Variants in RDX observed in about 807,000 individuals in gnomAD.
RDX encodes radixin, also known as deafness, autosomal recessive 24.
Under a neutral mutation model 83.7 loss-of-function variants are expected in RDX, and 32 were observed. The ratio of observed to expected loss-of-function variants is 0.38; its 90% confidence interval spans 0.29 to 0.51. The LOEUF (loss-of-function observed/expected upper bound fraction) is 0.51. RDX is among the 20% of genes least tolerant of loss of function. The pLI, the probability that RDX is intolerant of heterozygous loss-of-function variation, is 0.87. For missense variants in RDX, 600 were observed against 689.9 expected (o/e 0.87, Z 1.46); for synonymous variants, 229 against 222.7 (o/e 1.03, Z -0.25).
intron 14 of RDX, among the ~76,000 whole-genome samples, chr11:110,205,105 A>C (rs576060840): frequency 1.3e-5 from 2 of 152,342 alleles, no homozygotes; most frequent in African/African-American, 4.8e-5. Flanking sequence ...ACAGAGGAAG[A>C]AATATGAAAG....
At chr11:110,221,143 T>C (rs1309729455) in intron 14 of RDX, among the ~76,000 whole-genome samples, 1 of 152,140 alleles carries the variant, frequency 6.6e-6, no homozygotes, top group Non-Finnish European at 1.5e-5. Flanking sequence ...ATGAAGAACG[T>C]AATGTGACTC....
chr11:110,237,501 C>G lies in RDX; in HGVS notation c.1242G>C (p.Gln414His), dbSNP rs1864905358. 2 of 1,612,440 alleles carry G rather than the reference C, an allele frequency of 1.2e-6. No homozygotes were observed. The highest frequency in any genetic ancestry group is 2.2e-5 in the South Asian group (2 of 91,020). The part of the protein sequence containing the change: ...AKQAADQMKN[Q>H]EQLAAELAEF... The stretch of plus-strand genomic sequence containing the variant: ...GAAGACAGTTCCTTACTAGCTGCTC[C>G]TGATTCTTCATCTGGTCGGCAGCTT... Residue 414 changes from glutamine to histidine, a missense_variant, in exon 11 of 14, where the codon CAG (glutamine) becomes CAC (histidine). Physicochemically the swap from Gln to His is conservative, Grantham distance 24 (BLOSUM62 0). Coordinates refer to ENST00000645495, the MANE Select transcript of RDX (RefSeq NM_002906.4).
chr11:110,242,705 T>C (rs1002310712), intron 10 of RDX, among the ~76,000 whole-genome samples: 1 of 152,158 alleles, frequency 6.6e-6, no homozygotes, highest in Non-Finnish European at 1.5e-5. Context: ...ATGTTTAAAA[T>C]GAATTCTGAA....
chr11:110,245,454 A>T (rs1859068940), intron 10 of RDX, among the ~76,000 whole-genome samples: 1 of 151,964 alleles, frequency 6.6e-6, no homozygotes, highest in Non-Finnish European at 1.5e-5. Context: ...CCCACCTAGA[A>T]ATTTTCTTTT....
chr11:110,288,421 T>C (rs1051571824), intron 1 of RDX: 1 of 152,240 alleles, frequency 6.6e-6, no homozygotes, highest in Non-Finnish European at 1.5e-5. Context: ...TTCAACTTCC[T>C]CATTTCACTC....
At chr11:110,181,082 G>A (rs4754426) in intron 15 of RDX, among the ~76,000 whole-genome samples, 88,220 of 151,520 alleles carry the variant, frequency 0.58, 26,370 homozygotes, top group East Asian at 0.73. Flanking sequence ...GAATGTGTCT[G>A]GATCTGCCTG....
chr11:110,252,514 C>T (rs1283590832), intron 9 of RDX, among the ~76,000 whole-genome samples: 1 of 152,128 alleles, frequency 6.6e-6, no homozygotes, highest in Non-Finnish European at 1.5e-5. Context: ...AATAATTCCT[C>T]ATTTATCTCA....
At chr11:110,238,215 G>C (rs1864940664) in intron 10 of RDX, among the ~76,000 whole-genome samples, 1 of 152,120 alleles carries the variant, frequency 6.6e-6, no homozygotes. Context: ...GTGATTATAT[G>C]AATTATTGAA....
intron 10 of RDX, among the ~76,000 whole-genome samples, chr11:110,242,512 T>C (rs772225927): frequency 2.8e-4 from 41 of 146,372 alleles, no homozygotes; most frequent in Non-Finnish European, 1.2e-4. Flanking sequence ...ATAATAAAAA[T>C]TGTTTCTGTA....
At chr11:110,223,204 T>C (rs748008708) in intron 14 of RDX, among the ~76,000 whole-genome samples, 3 of 151,728 alleles carry the variant, frequency 2.0e-5, no homozygotes, top group Non-Finnish European at 4.4e-5. Flanking sequence ...TACAAAAAAT[T>C]AGCCAGGCGT....
intron 7 of RDX, 23 bp downstream of exon 7, chr11:110,257,744 C>A: frequency 6.2e-7 from 1 of 1,610,274 alleles, no homozygotes; most frequent in South Asian, 1.1e-5. Flanking sequence ...ATGACTAGTT[C>A]ACTATGCAAC....
downstream of RDX, among the ~76,000 whole-genome samples, chr11:110,227,113 A>C (rs916371349): frequency 4.6e-5 from 7 of 152,162 alleles, no homozygotes; most frequent in African/African-American, 1.7e-4. Context: ...GAGGAGATAG[A>C]TATTCCCTTA....
intron 15 of RDX, among the ~76,000 whole-genome samples, chr11:110,186,122 T>C (rs1022038873): frequency 1.3e-5 from 2 of 152,240 alleles, no homozygotes; most frequent in Non-Finnish European, 2.9e-5. Flanking sequence ...TGACATCTGA[T>C]AGTTACAGAA....
intron 1 of RDX, among the ~76,000 whole-genome samples, chr11:110,296,260 G>A (rs910936906): frequency 6.6e-6 from 1 of 151,866 alleles, no homozygotes; most frequent in Non-Finnish European, 1.5e-5. Flanking sequence ...GGGCCTCGCG[G>A]CCCCTACCAG....
intron 3 of RDX, 89 bp downstream of exon 3, chr11:110,272,447 C>T (rs1395755752): frequency 8.0e-6 from 7 of 872,744 alleles, no homozygotes; most frequent in Non-Finnish European, 1.3e-5. Context: ...GTTGGATTAT[C>T]AGCAAAAGTA....
intron 9 of RDX, among the ~76,000 whole-genome samples, chr11:110,250,632 T>C (rs1485332069): frequency 6.7e-6 from 1 of 148,584 alleles, no homozygotes; most frequent in Non-Finnish European, 1.5e-5. Flanking sequence ...GGGATGGAGG[T>C]GAAGGAGATA....
chr11:110,218,926 G>C (rs926887487), intron 14 of RDX, among the ~76,000 whole-genome samples: 1 of 152,150 alleles, frequency 6.6e-6, no homozygotes, highest in South Asian at 2.1e-4. Context: ...TCCAGGCACT[G>C]CTCTAGGCCC....
intron 1 of RDX, among the ~76,000 whole-genome samples, chr11:110,281,284 T>C (rs1162782949): frequency 6.6e-6 from 1 of 151,844 alleles, no homozygotes; most frequent in East Asian, 1.9e-4. Context: ...AAGTAACTGA[T>C]TACCAATAAA....
intron 9 of RDX, among the ~76,000 whole-genome samples, chr11:110,250,140 G>T (rs1859266710): frequency 1.3e-5 from 2 of 152,188 alleles, no homozygotes; most frequent in African/African-American, 4.8e-5. Context: ...GAGTTTAAGG[G>T]AAAGTTTGTG....
Sources: allele counts gnomAD v4.1 joint callset (sites outside exome capture counted in the v4.1 genomes callset), GRCh38; gene constraint gnomAD v4.1.1; transcripts MANE v1.5; gene names NCBI Gene and HGNC (gene_info 2026-07-23, HGNC 2026-07-21).